Variants in CELF2 observed in about 807,000 individuals in gnomAD.
CELF2 encodes the protein CUGBP Elav-like family member 2.
CELF2 carries 8 observed loss-of-function variants against 62.6 expected under a neutral mutation model. The observed-to-expected ratio is 0.13, with a 90% CI of 0.07 to 0.23. The LOEUF is 0.23. Ranked by LOEUF, CELF2 falls within the 10% of genes least tolerant of loss-of-function variation. The pLI is 1.00. For synonymous variants in CELF2, 258 were observed against 250.0 expected (o/e 1.03, Z -0.30); for missense variants, 333 against 671.0 (o/e 0.50, Z 5.56).
the CELF2 span, among the ~76,000 whole-genome samples, chr10:10,562,809 A>T: frequency 6.9e-6 from 1 of 144,570 alleles, no homozygotes; most frequent in East Asian, 2.1e-4. Context: ...TCCACAGCCT[A>T]CCTCCCTGCC....
In CELF2 at chr10:11,280,306, G is replaced by A. The variant is rs527667973; in HGVS notation, c.841+5186G>A. On this transcript the variant is annotated intron_variant, in intron 8 of 12. Coordinates refer to ENST00000633077, the MANE Select transcript of CELF2 (RefSeq NM_001326342.2). The surrounding 1 kb of genome is among the most constrained non-coding windows in gnomAD (Gnocchi z 7.6). ...GCGCCCCATCCAGGAGCAGGCCTGCGCCTGACACCTGTGCCCGAGAAGCCT... is the reference window on the plus strand; with the variant it reads ...GCGCCCCATCCAGGAGCAGGCCTGCACCTGACACCTGTGCCCGAGAAGCCT... Among the ~76,000 whole-genome samples the A allele has an allele frequency of 6.6e-5, 10 of 152,318 alleles. No individual in the cohort carries two copies. The highest frequency in any genetic ancestry group is 1.9e-4 in the East Asian group (1 of 5,174).
chr10:10,753,760 C>T, the CELF2 span, among the ~76,000 whole-genome samples: 1 of 152,186 alleles, frequency 6.6e-6, no homozygotes, highest in Non-Finnish European at 1.5e-5. Flanking sequence ...CCTGACTTCA[C>T]CAATTAAAAC....
At chr10:10,476,264 T>G in the CELF2 span, among the ~76,000 whole-genome samples, 2 of 152,172 alleles carry the variant, frequency 1.3e-5, no homozygotes, top group Admixed American at 6.6e-5. Flanking sequence ...TGCCCCTCTG[T>G]GTCATCCCAA....
At chr10:11,074,850 A>G (rs1239808457) in intron 1 of CELF2, 3 of 152,210 alleles carry the variant, frequency 2.0e-5, no homozygotes, top group Non-Finnish European at 2.9e-5. Context: ...TTGCCCAGCC[A>G]TAGGAATTAT....
chr10:11,221,046 A>T (rs954843000), intron 3 of CELF2, among the ~76,000 whole-genome samples: 2 of 152,208 alleles, frequency 1.3e-5, no homozygotes, highest in African/African-American at 2.4e-5. Flanking sequence ...ACACACACAC[A>T]TCCTTGAGAT....
chr10:10,695,454 T>C, the CELF2 span, among the ~76,000 whole-genome samples: 2 of 150,960 alleles, frequency 1.3e-5, no homozygotes, highest in East Asian at 3.9e-4. Flanking sequence ...TTCCTTCATT[T>C]CAACTTTGGT....
chr10:10,522,808 G>A, the CELF2 span, among the ~76,000 whole-genome samples: 2 of 152,110 alleles, frequency 1.3e-5, no homozygotes, highest in Non-Finnish European at 2.9e-5. Flanking sequence ...GACTTTAAGT[G>A]ATCCACCTGC....
the CELF2 span, among the ~76,000 whole-genome samples, chr10:10,686,530 G>C: frequency 6.6e-6 from 1 of 152,062 alleles, no homozygotes; most frequent in Admixed American, 6.6e-5. Flanking sequence ...GGTGTCAAGG[G>C]TGGGACCAGG....
At chr10:10,816,696 C>G (rs1010784472) in intron 1 of CELF2, among the ~76,000 whole-genome samples, 1 of 152,216 alleles carries the variant, frequency 6.6e-6, no homozygotes, top group Non-Finnish European at 1.5e-5. Flanking sequence ...TAGTATTACT[C>G]AAGCTAATCA....
intron 1 of CELF2, among the ~76,000 whole-genome samples, chr10:10,880,394 A>G (rs2061373480): frequency 6.6e-6 from 1 of 152,160 alleles, no homozygotes; most frequent in South Asian, 2.1e-4. Context: ...AATATTCTGA[A>G]CAGGAAGAAA....
the CELF2 span, among the ~76,000 whole-genome samples, chr10:10,515,076 G>A: frequency 2.0e-5 from 3 of 152,186 alleles, no homozygotes; most frequent in Non-Finnish European, 4.4e-5. Context: ...TTTGAAAGGA[G>A]ATCTCCAAAT....
chr10:10,817,989 C>G (rs1191566396), intron 1 of CELF2, among the ~76,000 whole-genome samples: 1 of 152,102 alleles, frequency 6.6e-6, no homozygotes, highest in Non-Finnish European at 1.5e-5. Flanking sequence ...AGGTAGCCGA[C>G]CTTACAAAGC....
rs145741880 is a variant in CELF2, at chr10:11,321,569, G to C, written c.1294+183G>C. Among the ~76,000 whole-genome samples, 143 of 151,898 alleles carry C rather than the reference G, an allele frequency of 9.4e-4. 2 individuals carry two copies. Among genetic ancestry groups the C allele is most frequent in the Middle Eastern group, 3.4e-3 (1 of 294 alleles). Reference sequence around the variant, plus strand: ...GGCATGGTGGCATACACCTGTAGTCGCAGTTACTTGGCAGGTTGAGATGGG... The same window carrying C: ...GGCATGGTGGCATACACCTGTAGTCCCAGTTACTTGGCAGGTTGAGATGGG... On this transcript the variant is annotated intron_variant, in intron 11 of 12. Transcript: ENST00000633077. This position sits in a 1 kb window ranked among gnomAD's most constrained non-coding sequence, Gnocchi z 6.2.
At chr10:10,726,698 C>A in the CELF2 span, among the ~76,000 whole-genome samples, 1 of 152,086 alleles carries the variant, frequency 6.6e-6, no homozygotes, top group Non-Finnish European at 1.5e-5. Flanking sequence ...TAAATGTTGT[C>A]CTAGTTTCCT....
the CELF2 span, among the ~76,000 whole-genome samples, chr10:10,753,542 C>G: frequency 6.6e-6 from 1 of 152,154 alleles, no homozygotes; most frequent in Non-Finnish European, 1.5e-5. Flanking sequence ...GAGCCCACTC[C>G]CAGACCAGAA....
At position 11,227,485 on chromosome 10, in the gene CELF2, A is replaced by G. The variant is rs1338906040; in HGVS notation, c.354+9978A>G. 6.6e-6 allele frequency among the ~76,000 whole-genome samples: 1 copy of G among 152,228 alleles called. No individual in the cohort carries two copies. Among genetic ancestry groups the G allele is most frequent in the Non-Finnish European group, 1.5e-5 (1 of 68,040 alleles). On this transcript the variant is annotated intron_variant, in intron 3 of 12. Transcript: ENST00000633077. This position sits in a 1 kb window ranked among gnomAD's most constrained non-coding sequence, Gnocchi z 4.8. The stretch of plus-strand genomic sequence containing the variant: ...GGGTGCCAGGGGTGCCTCTGCATGA[A>G]GTGCTGGAAGCTTGGACATTCCTAG...
the CELF2 span, among the ~76,000 whole-genome samples, chr10:10,587,360 C>T: frequency 6.6e-6 from 1 of 152,106 alleles, no homozygotes; most frequent in Non-Finnish European, 1.5e-5. Flanking sequence ...TACTTGAACC[C>T]AAACGCATTT....
chr10:11,018,575 C>A (rs1435177388), intron 1 of CELF2, among the ~76,000 whole-genome samples: 8 of 146,398 alleles, frequency 5.5e-5, no homozygotes, highest in Non-Finnish European at 1.2e-4. Flanking sequence ...TCCATGAGTC[C>A]AAGTGGGACC....
At chr10:10,546,475 G>C in the CELF2 span, among the ~76,000 whole-genome samples, 4 of 152,150 alleles carry the variant, frequency 2.6e-5, no homozygotes, top group Non-Finnish European at 5.9e-5. Context: ...GGACAGTCAG[G>C]TAGATGAAAC....
Sources: allele counts gnomAD v4.1 joint callset (sites outside exome capture counted in the v4.1 genomes callset), GRCh38; gene constraint gnomAD v4.1.1; non-coding constraint Gnocchi (gnomAD v3.1); transcripts MANE v1.5; gene names NCBI Gene and HGNC (gene_info 2026-07-23, HGNC 2026-07-21).